Variants in TRA2B observed in about 807,000 individuals in gnomAD.
TRA2B encodes transformer 2 beta homolog, also known as transformer-2 protein homolog beta.
A neutral mutation model predicts 41.7 loss-of-function variants in TRA2B; 14 were observed. That is an observed-to-expected ratio of 0.34 (90% confidence interval 0.22 to 0.53). The LOEUF is 0.53. Ranked by LOEUF, TRA2B falls within the 20% of genes least tolerant of loss-of-function variation. The pLI, the probability that TRA2B is intolerant of heterozygous loss-of-function variation, is 0.95. For missense variants in TRA2B, 167 were observed against 396.8 expected, an observed-to-expected ratio of 0.42 and a Z score of 4.92; for synonymous variants, 130 against 128.8, an observed-to-expected ratio of 1.01 and a Z score of -0.06.
chr3:185,932,378 C>A (rs1196154289), intron 1 of TRA2B, among the ~76,000 whole-genome samples: 1 of 152,164 alleles, frequency 6.6e-6, no homozygotes, highest in African/African-American at 2.4e-5. Flanking sequence ...AAGAGCTCTG[C>A]AGAAAGACGG....
intron 1 of TRA2B, among the ~76,000 whole-genome samples, chr3:185,929,782 A>G (rs1744081620): frequency 6.6e-6 from 1 of 152,208 alleles, no homozygotes; most frequent in South Asian, 2.1e-4. Flanking sequence ...TGCATCTCTT[A>G]AAACACTGTT....
intron 1 of TRA2B, chr3:185,927,434 A>C (rs1232782747): frequency 6.6e-6 from 1 of 152,254 alleles, no homozygotes; most frequent in Non-Finnish European, 1.5e-5. Context: ...AGGGTGTCAG[A>C]GATCCTCCAC....
intron 1 of TRA2B, chr3:185,935,702 A>C: frequency 1.0e-6 from 1 of 985,424 alleles, no homozygotes; most frequent in Non-Finnish European, 1.2e-6. Context: ...GTCTAAGATC[A>C]AGCTGTTCCA....
rs1203065758 is a variant in TRA2B, at chr3:185,915,659, AG to A, written c.*2055del. On this transcript the variant is annotated 3_prime_UTR_variant, in exon 9 of 9. Transcript: ENST00000453386. Reference sequence around the variant, plus strand: ...TGGCTAAAATTCTTTCAAATCTAAAAGCCAGAAAACAACTCAAACTAGCCTA... The same window carrying A: ...TGGCTAAAATTCTTTCAAATCTAAAACCAGAAAACAACTCAAACTAGCCTA... Among the ~76,000 whole-genome samples the A allele has an allele frequency of 1.3e-5, 2 of 152,212 alleles. No homozygotes were observed. The highest frequency in any genetic ancestry group is 2.9e-5 in the Non-Finnish European group (2 of 68,028).
At chr3:185,933,946 G>C (rs761501457) in intron 1 of TRA2B, among the ~76,000 whole-genome samples, 10 of 151,986 alleles carry the variant, frequency 6.6e-5, no homozygotes, top group Non-Finnish European at 1.0e-4. Context: ...CAAACTGTCA[G>C]GTAACAATCT....
intron 1 of TRA2B, 150 bp from the exon 2 acceptor site, chr3:185,926,884 T>C: frequency 1.2e-6 from 1 of 866,276 alleles, no homozygotes; most frequent in Non-Finnish European, 1.7e-6. Flanking sequence ...TACCTGGTGT[T>C]AATAGTTTCA....
intron 7 of TRA2B, among the ~76,000 whole-genome samples, chr3:185,918,898 C>A (rs914932163): frequency 2.6e-5 from 4 of 151,990 alleles, no homozygotes; most frequent in Non-Finnish European, 5.9e-5. Flanking sequence ...CCCAGCTACT[C>A]GGGATGCAGA....
rs534339497 is a variant in TRA2B at position 185,915,668 on chromosome 3, A to G, written c.*2047T>C. Among the ~76,000 whole-genome samples the G allele has an allele frequency of 6.6e-6, 1 of 152,330 alleles. No individual in the cohort carries two copies. Among genetic ancestry groups the G allele is most frequent in the African/African-American group, 2.4e-5 (1 of 41,576 alleles). On this transcript the variant is annotated 3_prime_UTR_variant, in exon 9 of 9. Transcript: ENST00000453386. Reference sequence around the variant, plus strand: ...TTCTTTCAAATCTAAAAGCCAGAAAACAACTCAAACTAGCCTAAAAAAGGA... The same window carrying G: ...TTCTTTCAAATCTAAAAGCCAGAAAGCAACTCAAACTAGCCTAAAAAAGGA...
At position 185,914,722 on chromosome 3, in the gene TRA2B, T is replaced by A. The variant is rs1482841483; in HGVS notation, c.*2993A>T. Among the ~76,000 whole-genome samples, 1 of 152,056 alleles carries A rather than the reference T, an allele frequency of 6.6e-6. No homozygotes were observed. Among genetic ancestry groups the A allele is most frequent in the Non-Finnish European group, 1.5e-5 (1 of 68,030 alleles). On this transcript the variant is annotated 3_prime_UTR_variant, in exon 9 of 9. Coordinates refer to ENST00000453386, the MANE Select transcript of TRA2B (RefSeq NM_004593.3). ...CCAATCCTACAAGAGCCAATCAAAA[T>A]CCACTGAGATGGCATGCTGAAGGAA...
chr3:185,928,809 G>A (rs1457005787), intron 1 of TRA2B: 4 of 152,240 alleles, frequency 2.6e-5, no homozygotes, highest in Non-Finnish European at 5.9e-5. Context: ...GTCAGCCCAG[G>A]AATCTGAGTA....
intron 8 of TRA2B, 61 bp downstream of exon 8, chr3:185,918,304 A>T: frequency 8.3e-7 from 1 of 1,202,370 alleles, no homozygotes; most frequent in Non-Finnish European, 1.2e-6. Flanking sequence ...TAAAGGGAAT[A>T]CACTGTCATC....
chr3:185,918,414 A>G lies in TRA2B; in HGVS notation c.807T>C (p.Tyr269=). ...AACGTGATCTGTATCCTCCACGACT[A>G]TAGTAAGGAGAAGGTGACCGCCTTC... ...IYRRRSPSPY[Y]SRGGYRSRSR... is the part of the protein sequence containing the mutation. The change falls in exon 8 of 9, where the codon TAT becomes TAC. Residue 269 remains tyrosine, a synonymous_variant. Coordinates refer to ENST00000453386, the MANE Select transcript of TRA2B (RefSeq NM_004593.3). 1.2e-6 allele frequency: 2 copies of G among 1,613,732 alleles called. No individual in the cohort carries two copies. Among genetic ancestry groups the G allele is most frequent in the African/African-American group, 2.7e-5 (2 of 75,042 alleles).
At chr3:185,928,245 C>T (rs1490901645) in intron 1 of TRA2B, 2 of 152,170 alleles carry the variant, frequency 1.3e-5, no homozygotes, top group Non-Finnish European at 2.9e-5. Flanking sequence ...AGGTTTAACA[C>T]AGAAGGAAAG....
chr3:185,931,975 ACTAGAATATGCAGCTC>A, intron 1 of TRA2B: 1 of 690,906 alleles, frequency 1.4e-6, no homozygotes, highest in Non-Finnish European at 2.1e-6. Context: ...AAAAAAAGAA[ACTAGAATATGCAGCTC>A]AAAAAACTGA....
At chr3:185,929,869 T>C (rs1578483224) in intron 1 of TRA2B, among the ~76,000 whole-genome samples, 1 of 152,304 alleles carries the variant, frequency 6.6e-6, no homozygotes, top group Non-Finnish European at 1.5e-5. Context: ...TTTTTTTCCC[T>C]TGGCAAAGGT....
intron 2 of TRA2B, 86 bp from the exon 3 acceptor site, chr3:185,925,712 A>T (rs1743921226): frequency 2.2e-6 from 3 of 1,374,548 alleles, no homozygotes; most frequent in Non-Finnish European, 2.9e-6. Context: ...ACTCCAAAAG[A>T]GGGAACAATC....
At chr3:185,930,808 T>C (rs1384608781) in intron 1 of TRA2B, among the ~76,000 whole-genome samples, 1 of 152,184 alleles carries the variant, frequency 6.6e-6, no homozygotes, top group African/African-American at 2.4e-5. Flanking sequence ...AATAGCTAAA[T>C]GTTGATAGCA....
rs1017562593 is a variant in TRA2B, at chr3:185,920,246, A to G, written c.723-750T>C. On this transcript the variant is annotated intron_variant, in intron 6 of 8. Transcript: ENST00000453386. ...CCCTCAGTGTACGATGCATGCATTA[A>G]GAGATTACAAGAAACTGCCTGAAAA... 2.0e-5 allele frequency among the ~76,000 whole-genome samples: 3 copies of G among 152,244 alleles called. No homozygotes were observed. In the South Asian group the frequency reaches 6.2e-4, roughly 31 times the overall value.
At chr3:185,925,649 G>A (rs765357383) in intron 2 of TRA2B, 23 bp from the exon 3 acceptor site, 7 of 1,592,864 alleles carry the variant, frequency 4.4e-6, no homozygotes, top group African/African-American at 1.4e-5. Context: ...GACCTCCTAA[G>A]GTTATGACTG....
Sources: gnomAD v4.1 joint callset for allele counts (sites outside exome capture counted in the v4.1 genomes callset) on GRCh38, gnomAD v4.1.1 for gene constraint, MANE v1.5 for transcripts, NCBI Gene and HGNC (gene_info 2026-07-23, HGNC 2026-07-21) for gene names.